TRIML2: variants seen among roughly 807,000 people sequenced by gnomAD.
The protein encoded by TRIML2 is tripartite motif family like 2.
In TRIML2, 28 loss-of-function variants were observed where a neutral mutation model predicts 31.2. That is an observed-to-expected ratio of 0.90 (90% confidence interval 0.66 to 1.23). The LOEUF (loss-of-function observed/expected upper bound fraction) is 1.23, where lower values mean the gene tolerates loss of function less well. TRIML2 is among the 50% of genes most tolerant of loss of function. TRIML2 has a pLI of 0.00. For synonymous variants in TRIML2, 187 were observed against 197.5 expected, an observed-to-expected ratio of 0.95 and a Z score of 0.45; for missense variants, 536 against 528.3, an observed-to-expected ratio of 1.01 and a Z score of -0.14.
At chr4:188,099,474 G>C (rs985991419) in intron 4 of TRIML2, among the ~76,000 whole-genome samples, 6 of 151,040 alleles carry the variant, frequency 4.0e-5, no homozygotes, top group African/African-American at 1.5e-4. Context: ...TGAGGCAGGA[G>C]AATCGCTTGA....
chr4:188,100,894 C>T (rs949270429), intron 4 of TRIML2, among the ~76,000 whole-genome samples, 162 bp downstream of exon 4: 1 of 152,028 alleles, frequency 6.6e-6, no homozygotes, highest in Non-Finnish European at 1.5e-5. Context: ...TTTTTATATG[C>T]ATGTCAAGAT....
chr4:188,093,857 C>G (rs1210297214), intron 7 of TRIML2, among the ~76,000 whole-genome samples: 3 of 151,938 alleles, frequency 2.0e-5, no homozygotes, highest in African/African-American at 7.2e-5. Context: ...TTAATCCCAG[C>G]ACTTTGGGAA....
intron 3 of TRIML2, among the ~76,000 whole-genome samples, chr4:188,101,953 A>T (rs1300142331): frequency 6.6e-6 from 1 of 151,272 alleles, no homozygotes; most frequent in Non-Finnish European, 1.5e-5. Context: ...ACACGGTGAA[A>T]CCCCGTCTCT....
At chr4:188,096,645 A>G (rs1239190373) in intron 7 of TRIML2, among the ~76,000 whole-genome samples, 1 of 149,354 alleles carries the variant, frequency 6.7e-6, no homozygotes, top group African/African-American at 2.5e-5. Flanking sequence ...TAAGCTCTCC[A>G]GTCTCCTAAA....
intron 1 of TRIML2, chr4:188,105,968 C>G (rs1318010549): frequency 1.3e-5 from 2 of 152,406 alleles, no homozygotes; most frequent in Admixed American, 1.3e-4. Context: ...CCTCCCACCT[C>G]AGCTTCCGGA....
At chr4:188,108,564 C>G (rs995664135) in intron 1 of TRIML2, among the ~76,000 whole-genome samples, 7 of 152,304 alleles carry the variant, frequency 4.6e-5, no homozygotes, top group African/African-American at 1.4e-4. Context: ...AGAGTAAGAT[C>G]GAAGTGGGTA....
intron 3 of TRIML2, 78 bp from the exon 4 acceptor site, chr4:188,101,328 T>G: frequency 1.4e-6 from 1 of 706,070 alleles, no homozygotes; most frequent in Non-Finnish European, 2.3e-6. Context: ...AATAGATAGA[T>G]ATCTATATCT....
rs746066299 is a variant in TRIML2, at chr4:188,099,083, G to A, written c.573C>T (p.Ile191=). Residue 191 remains isoleucine (I), a synonymous_variant, in exon 5 of 8, where the codon ATC becomes ATT. Transcript: ENST00000682553. The part of the protein sequence containing the change: ...SEQVRSLLKL[I]VELEKKCGEG... Reference sequence around the variant, plus strand: ...CCCCACACTTTTTCTCAAGCTCCACGATGAGCTTTAGGAGGCTGCGGACCT... The same window carrying A: ...CCCCACACTTTTTCTCAAGCTCCACAATGAGCTTTAGGAGGCTGCGGACCT... 1.2e-6 allele frequency: 2 copies of A among 1,613,856 alleles called. No homozygotes were observed. Among genetic ancestry groups the A allele is most frequent in the Admixed American group, 1.7e-5 (1 of 59,986 alleles).
At chr4:188,100,491 G>A (rs1386694515) in intron 4 of TRIML2, among the ~76,000 whole-genome samples, 9 of 152,168 alleles carry the variant, frequency 5.9e-5, no homozygotes, top group Non-Finnish European at 1.3e-4. Flanking sequence ...GGGAGGCTGA[G>A]GCGGGTGGAT....
At chr4:188,101,364 T>TGTGGTCAGTGTAA in intron 3 of TRIML2, 114 bp from the exon 4 acceptor site, 2 of 532,694 alleles carry the variant, frequency 3.8e-6, no homozygotes, top group Non-Finnish European at 3.0e-6. Context: ...TATCTTACAC[T>TGTGGTCAGTGTAA]GACCACAATG....
chr4:188,092,115 C>T (rs920455144), intron 7 of TRIML2, among the ~76,000 whole-genome samples, 174 bp from the exon 8 acceptor site: 1 of 151,958 alleles, frequency 6.6e-6, no homozygotes, highest in African/African-American at 2.4e-5. Context: ...CAATATGGAC[C>T]TCATGGAGGA....
chr4:188,097,395 T>A (rs764999780), intron 5 of TRIML2, 49 bp from the exon 6 acceptor site: 28 of 1,588,684 alleles, frequency 1.8e-5, no homozygotes, highest in Non-Finnish European at 2.2e-5. Flanking sequence ...TTGAGCTGTT[T>A]TTGCAATCTG....
intron 2 of TRIML2, 85 bp from the exon 3 acceptor site, chr4:188,105,017 T>C: frequency 7.1e-7 from 1 of 1,412,840 alleles, no homozygotes; most frequent in South Asian, 1.2e-5. Flanking sequence ...CAACTCTGAG[T>C]ATATATTTTC....
chr4:188,103,445 T>C (rs148736133), intron 3 of TRIML2, among the ~76,000 whole-genome samples: 34 of 152,244 alleles, frequency 2.2e-4, no homozygotes, highest in African/African-American at 7.7e-4. Flanking sequence ...CCTAAATGAC[T>C]GACCGCCTTC....
intron 7 of TRIML2, among the ~76,000 whole-genome samples, chr4:188,094,101 A>AAAAAAC (rs1427364127): frequency 2.2e-5 from 3 of 134,618 alleles, no homozygotes; most frequent in East Asian, 5.7e-4. Flanking sequence ...AAAAAACAAA[A>AAAAAAC]ACAAAAACAA....
rs774872763 is a variant in TRIML2 at position 188,105,258 on chromosome 4, G to C, written c.111C>G (p.Leu37=). The C allele has an allele frequency of 1.9e-6, 3 of 1,612,694 alleles. No individual in the cohort carries two copies. In the African/African-American group the frequency reaches 4.0e-5, roughly 22 times the overall value. Residue 37 remains leucine, a synonymous_variant, in exon 2 of 8, where the codon CTC becomes CTG. Coordinates refer to ENST00000682553, the MANE Select transcript of TRIML2 (RefSeq NM_173553.4). ...CCTGGGACTGGAAGCATTTGCTGCA[G>C]AGTGTGATTTGGTCAACATCACAGA... The part of the protein sequence containing the change: ...RLFCDVDQIT[L]CSKCFQSQEH...
chr4:188,103,814 A>G (rs1050161357), intron 3 of TRIML2, among the ~76,000 whole-genome samples: 4 of 152,154 alleles, frequency 2.6e-5, no homozygotes, highest in Admixed American at 1.3e-4. Flanking sequence ...TCCCTGGCAA[A>G]CAGTGGGATC....
rs199838589 is a variant in TRIML2 at position 188,101,270 on chromosome 4, T to C, written c.286-20A>G. On this transcript the variant is annotated intron_variant, in intron 3 of 7. Coordinates refer to ENST00000682553, the MANE Select transcript of TRIML2 (RefSeq NM_173553.4). ...CTCTTCCTTCCTCATATAGACATGA[T>C]AGACTTCAGGTTAAACATGATAGAT... 200 of 1,564,756 alleles carry C rather than the reference T, an allele frequency of 1.3e-4. No individual in the cohort carries two copies. In the East Asian group the frequency reaches 3.8e-3, roughly 30 times the overall value.
chr4:188,104,772 T>C, intron 3 of TRIML2, 65 bp downstream of exon 3: 1 of 1,284,870 alleles, frequency 7.8e-7, no homozygotes, highest in Non-Finnish European at 1.1e-6. Context: ...TTGTTTATGA[T>C]ACACTATTTT....
Sources: allele counts gnomAD v4.1 joint callset (sites outside exome capture counted in the v4.1 genomes callset), GRCh38; gene constraint gnomAD v4.1.1; transcripts MANE v1.5; gene names NCBI Gene and HGNC (gene_info 2026-07-23, HGNC 2026-07-21).